The following PLEKHA8 variants were observed in gnomAD, a reference collection of about 807,000 sequenced individuals.
PLEKHA8 encodes the protein pleckstrin homology domain containing A8, also known as pleckstrin homology domain-containing family A member 8.
A neutral mutation model predicts 68.2 loss-of-function variants in PLEKHA8; 36 were observed. The ratio of observed to expected loss-of-function variants is 0.53; its 90% CI spans 0.40 to 0.70. The LOEUF (loss-of-function observed/expected upper bound fraction) is 0.70, where lower values mean the gene tolerates loss of function less well. Among genes scored for constraint, PLEKHA8 ranks in the 30% least tolerant of loss-of-function variants. The pLI is 0.00. For synonymous variants in PLEKHA8, 211 were observed against 216.1 expected (o/e 0.98, Z 0.20); for missense variants, 505 against 615.4 (o/e 0.82, Z 1.90).
chr7:30,037,898 G>A (rs993636662), intron 1 of PLEKHA8, among the ~76,000 whole-genome samples: 7 of 151,924 alleles, frequency 4.6e-5, no homozygotes, highest in African/African-American at 1.7e-4. Context: ...CATCACCTAG[G>A]TATTAAGCCC....
intron 4 of PLEKHA8, 54 bp downstream of exon 4, chr7:30,048,010 G>A: frequency 9.9e-7 from 1 of 1,014,502 alleles, no homozygotes. Context: ...TAAAAGAAGT[G>A]ACTACCAGTA....
In PLEKHA8 at chr7:30,084,344, T is replaced by G; in HGVS notation, c.*5557T>G. On this transcript the variant is annotated 3_prime_UTR_variant, in exon 14 of 14. Coordinates refer to ENST00000449726, the MANE Select transcript of PLEKHA8 (RefSeq NM_001197026.2). ...AGTGTTAATGTTACCTGTTCTTGTC[T>G]CTCAGCATTTTGAATGAGCATCATA... 1 of 985,406 alleles carries G rather than the reference T, an allele frequency of 1.0e-6. No homozygotes were observed. Among genetic ancestry groups the G allele is most frequent in the Non-Finnish European group, 1.2e-6 (1 of 829,886 alleles). The allele number at this position is 985,406 out of a possible 1,614,324, so 61.0% of individuals were successfully genotyped here.
rs1429890507 is a variant in PLEKHA8, at chr7:30,060,868, T to A, written c.1040-16T>A. The stretch of plus-strand genomic sequence containing the variant: ...AAAATTGCTTTTTCAGAAATGTTTT[T>A]AATCTTTTCTTCTAGACAAACTTGG... On this transcript the variant is annotated splice_polypyrimidine_tract_variant and intron_variant, in intron 9 of 13. Transcript: ENST00000449726. 1 of 1,604,870 alleles carries A rather than the reference T, an allele frequency of 6.2e-7. No individual in the cohort carries two copies. The highest frequency in any genetic ancestry group is 1.1e-5 in the South Asian group (1 of 88,150).
intron 1 of PLEKHA8, among the ~76,000 whole-genome samples, chr7:30,032,251 G>A (rs1351100132): frequency 6.6e-6 from 1 of 152,194 alleles, no homozygotes; most frequent in Non-Finnish European, 1.5e-5. Flanking sequence ...CGCTGGTTCA[G>A]GAGTCAGAGA....
intron 13 of PLEKHA8, among the ~76,000 whole-genome samples, chr7:30,102,567 C>T (rs1795891707): frequency 6.6e-6 from 1 of 152,130 alleles, no homozygotes; most frequent in Non-Finnish European, 1.5e-5. Flanking sequence ...GTGGTATATA[C>T]AAACAACGGG....
downstream of PLEKHA8, chr7:30,084,651 T>G (rs546440485): frequency 3.2e-5 from 29 of 909,526 alleles, no homozygotes; most frequent in African/African-American, 4.7e-4. Flanking sequence ...TTTTAAAGTA[T>G]TAAGTTCTTA....
chr7:30,098,671 C>A (rs567002239), intron 13 of PLEKHA8, among the ~76,000 whole-genome samples: 10 of 152,230 alleles, frequency 6.6e-5, no homozygotes, highest in Non-Finnish European at 1.3e-4. Flanking sequence ...GTTTGTTAAA[C>A]CCGTTGGAAA....
At position 30,049,204 on chromosome 7, in the gene PLEKHA8, C is replaced by T. The variant is rs986029300; in HGVS notation, c.439-20C>T. ...TTTTTTGGCAAGGTAAAGGAGTCTT[C>T]CACTCTGGTTGTTTCGTAGGAGGGA... On this transcript the variant is annotated intron_variant, in intron 4 of 13. Coordinates refer to ENST00000449726, the MANE Select transcript of PLEKHA8 (RefSeq NM_001197026.2). The T allele has an allele frequency of 3.1e-6, 5 of 1,613,250 alleles. No individual in the cohort carries two copies. Among genetic ancestry groups the T allele is most frequent in the Admixed American group, 1.7e-5 (1 of 60,000 alleles).
rs201977691 is a variant in PLEKHA8, at chr7:30,074,095, G to A, written c.1325G>A (p.Arg442Gln). ...ALNNAYGKTL[R>Q]QHHGWVVRGV... ...GATAATGCATATGGTAAAACATTGC[G>A]GCAACACCATGGCTGGGTAGTTCGA... Residue 442 changes from arginine to glutamine, a missense_variant, in exon 13 of 14, where the codon CGG becomes CAG. Arg to Gln is a conservative substitution (Grantham distance 43). Coordinates refer to ENST00000449726, the MANE Select transcript of PLEKHA8 (RefSeq NM_001197026.2). The A allele has an allele frequency of 4.1e-4, 669 of 1,612,884 alleles. 2 individuals are homozygous for A. In the East Asian group the frequency reaches 5.4e-3, roughly 13 times the overall value.
Position 30,080,356 on chromosome 7 carries a change from C to G in PLEKHA8, c.*1569C>G, listed in dbSNP as rs1199689220. 1 of 985,108 alleles carries G rather than the reference C, an allele frequency of 1.0e-6. No individual in the cohort carries two copies. The highest frequency in any genetic ancestry group is 1.7e-5 in the African/African-American group (1 of 57,176). The allele number at this position is 985,108 out of a possible 1,614,324, so 61.0% of individuals were successfully genotyped here. A position where few individuals can be genotyped will look rare whatever the true frequency, so the allele number is the denominator to read the frequency against. On this transcript the variant is annotated 3_prime_UTR_variant, in exon 14 of 14. Coordinates refer to ENST00000449726, the MANE Select transcript of PLEKHA8 (RefSeq NM_001197026.2). ...CTTCCCCATTAGAGGCTACTTCCTTCTAGTAACAGGAAGGGAAGTTCCAGC... is the reference window on the plus strand; with the variant it reads ...CTTCCCCATTAGAGGCTACTTCCTTGTAGTAACAGGAAGGGAAGTTCCAGC...
At chr7:30,108,730 C>T (rs551124847) in intron 13 of PLEKHA8, among the ~76,000 whole-genome samples, 2 of 152,294 alleles carry the variant, frequency 1.3e-5, no homozygotes, top group African/African-American at 2.4e-5. Context: ...CCTGCTAGGA[C>T]TTGTTGCGCC....
At chr7:30,121,916 T>C (rs1420228948) in intron 13 of PLEKHA8, among the ~76,000 whole-genome samples, 1 of 152,238 alleles carries the variant, frequency 6.6e-6, no homozygotes, top group Non-Finnish European at 1.5e-5. Flanking sequence ...CTATTCATTC[T>C]ACAGAAGTGC....
chr7:30,089,668 G>A (rs1795329098), intron 12 of PLEKHA8, among the ~76,000 whole-genome samples: 2 of 152,172 alleles, frequency 1.3e-5, no homozygotes, highest in South Asian at 4.1e-4. Context: ...CCAGAAAGGG[G>A]ATGGGGGTGG....
At chr7:30,051,824 T>C (rs1379568880) in intron 6 of PLEKHA8, among the ~76,000 whole-genome samples, 1 of 152,004 alleles carries the variant, frequency 6.6e-6, no homozygotes, top group Non-Finnish European at 1.5e-5. Context: ...AATGCAAAAA[T>C]TAACTGGGTG....
chr7:30,120,637 G>GA (rs1258021801), intron 13 of PLEKHA8, among the ~76,000 whole-genome samples: 3 of 152,114 alleles, frequency 2.0e-5, no homozygotes, highest in East Asian at 3.9e-4. Context: ...GGAGAAATTG[G>GA]AAAAAACACA....
chr7:30,074,225 T>C, intron 13 of PLEKHA8, 93 bp downstream of exon 13: 1 of 1,102,384 alleles, frequency 9.1e-7, no homozygotes, highest in Admixed American at 2.1e-5. Context: ...ATTTATCTAG[T>C]CATGATTGTC....
chr7:30,071,769 C>T (rs1220854557), intron 12 of PLEKHA8: 1 of 152,206 alleles, frequency 6.6e-6, no homozygotes, highest in Non-Finnish European at 1.5e-5. Context: ...GGAATACTGA[C>T]ACAAGAAAGA....
intron 13 of PLEKHA8, among the ~76,000 whole-genome samples, chr7:30,123,094 G>A (rs1176811750): frequency 6.6e-6 from 1 of 152,038 alleles, no homozygotes; most frequent in Non-Finnish European, 1.5e-5. Context: ...AAGACAACTA[G>A]AACCCACCTC....
chr7:30,084,664 G>A (rs751718500), downstream of PLEKHA8: 2 of 898,498 alleles, frequency 2.2e-6, no homozygotes, highest in East Asian at 1.2e-4. Context: ...AGTTCTTAAA[G>A]GTTTTTGTGT....
Sources: gnomAD v4.1 joint callset for allele counts (sites outside exome capture counted in the v4.1 genomes callset) on GRCh38, gnomAD v4.1.1 for gene constraint, MANE v1.5 for transcripts, NCBI Gene and HGNC (gene_info 2026-07-23, HGNC 2026-07-21) for gene names.